The following CASR variants were observed in gnomAD, a reference collection of about 807,000 sequenced individuals.
CASR encodes the protein extracellular calcium-sensing receptor.
Under a neutral mutation model 69.1 loss-of-function variants are expected in CASR, and 23 were observed. The ratio of observed to expected loss-of-function variants is 0.33; its 90% CI spans 0.24 to 0.47. The LOEUF (loss-of-function observed/expected upper bound fraction) is 0.47. CASR is among the 20% of genes least tolerant of loss of function. The pLI is 1.00. For missense variants in CASR, 924 were observed against 1,356.1 expected, an observed-to-expected ratio of 0.68 and a Z score of 5.00; for synonymous variants, 541 against 544.7, an observed-to-expected ratio of 0.99 and a Z score of 0.10.
At chr3:122,273,283 C>T (rs950054207) in intron 4 of CASR, among the ~76,000 whole-genome samples, 20 of 152,170 alleles carry the variant, frequency 1.3e-4, no homozygotes, top group African/African-American at 3.4e-4. Flanking sequence ...TTGTTTAACC[C>T]GTAGCTCCAG....
At chr3:122,219,238 G>A (rs2074147640) in intron 1 of CASR, among the ~76,000 whole-genome samples, 1 of 152,200 alleles carries the variant, frequency 6.6e-6, no homozygotes, top group South Asian at 2.1e-4. Context: ...ACAGTTAGAA[G>A]CCAGTCATTC....
At chr3:122,207,975 A>G (rs112477340) in intron 1 of CASR, among the ~76,000 whole-genome samples, 1 of 152,112 alleles carries the variant, frequency 6.6e-6, no homozygotes, top group East Asian at 1.9e-4. Context: ...ATTGCAGTCT[A>G]TCTCTCCCTT....
At chr3:122,280,404 G>A (rs1291946415) in intron 5 of CASR, among the ~76,000 whole-genome samples, 1 of 152,184 alleles carries the variant, frequency 6.6e-6, no homozygotes, top group African/African-American at 2.4e-5. Context: ...TAGGAAGAGA[G>A]GAAGCAACCA....
intron 1 of CASR, among the ~76,000 whole-genome samples, chr3:122,184,688 G>A (rs890386384): frequency 1.3e-5 from 2 of 152,226 alleles, no homozygotes; most frequent in Non-Finnish European, 2.9e-5. Context: ...GGGAAAGTAG[G>A]GACCAGATTA....
At chr3:122,242,963 A>T (rs932735140) in intron 1 of CASR, among the ~76,000 whole-genome samples, 1 of 152,114 alleles carries the variant, frequency 6.6e-6, no homozygotes, top group Non-Finnish European at 1.5e-5. Flanking sequence ...AGAAAATTGG[A>T]TATCCAAATG....
At position 122,284,411 on chromosome 3, in the gene CASR, C is replaced by G. The variant is rs745768572; in HGVS notation, c.2457C>G (p.Ile819Met). The G allele has an allele frequency of 2.5e-6, 4 of 1,614,052 alleles. No individual in the cohort carries two copies. Among genetic ancestry groups the G allele is most frequent in the South Asian group, 1.1e-5 (1 of 91,080 alleles). The change falls in exon 7 of 7, where the codon ATC becomes ATG. Residue 819 changes from isoleucine to methionine, a missense_variant. Ile to Met is a conservative substitution (Grantham distance 10). Transcript: ENST00000639785. ...TGCTCATCTTCTTCATCGTCTGGAT[C>G]TCCTTCATTCCAGCCTATGCCAGCA... is the stretch of plus-strand genomic sequence containing the variant. Reference protein sequence around the residue: ...FSMLIFFIVWISFIPAYASTY... With the variant: ...FSMLIFFIVWMSFIPAYASTY...
At chr3:122,272,537 C>G (rs946876756) in intron 4 of CASR, among the ~76,000 whole-genome samples, 2 of 152,182 alleles carry the variant, frequency 1.3e-5, no homozygotes, top group African/African-American at 4.8e-5. Flanking sequence ...ATCATTTCAG[C>G]CCTTTTAAAT....
chr3:122,280,336 A>T (rs2074873745), intron 5 of CASR, among the ~76,000 whole-genome samples: 1 of 152,190 alleles, frequency 6.6e-6, no homozygotes, highest in Non-Finnish European at 1.5e-5. Context: ...ATTCAACATA[A>T]TATTGGAAGT....
chr3:122,206,447 T>C (rs1374312097), intron 1 of CASR, among the ~76,000 whole-genome samples: 76 of 152,124 alleles, frequency 5.0e-4, no homozygotes, highest in East Asian at 3.9e-4. Context: ...GGTGAATGAT[T>C]TTTTTAATGT....
chr3:122,205,578 G>T (rs541184384), intron 1 of CASR, among the ~76,000 whole-genome samples: 2 of 152,022 alleles, frequency 1.3e-5, no homozygotes, highest in Non-Finnish European at 2.9e-5. Context: ...TAAATTTTAG[G>T]ATTTTATTTT....
At chr3:122,243,188 T>C (rs548331004) in intron 1 of CASR, among the ~76,000 whole-genome samples, 1 of 151,924 alleles carries the variant, frequency 6.6e-6, no homozygotes, top group South Asian at 2.1e-4. Flanking sequence ...CCACATCCAG[T>C]TAAAAACCTT....
In CASR at chr3:122,225,366, T is replaced by C. The variant is rs2107604490; in HGVS notation, c.-242-28582T>C. Among the ~76,000 whole-genome samples, 2 of 148,074 alleles carry C rather than the reference T, an allele frequency of 1.4e-5. 1 individual carries two copies. Among genetic ancestry groups the C allele is most frequent in the South Asian group, 4.3e-4 (2 of 4,636 alleles). ...CAGAATTTGTAAGGAACTTAAACAA[T>C]TGAACAGGAAAAAAAAAGAAAAAAA... On this transcript the variant is annotated intron_variant, in intron 1 of 6. Coordinates refer to ENST00000639785, the MANE Select transcript of CASR (RefSeq NM_000388.4).
chr3:122,277,473 C>T, intron 5 of CASR, among the ~76,000 whole-genome samples: 1 of 152,146 alleles, frequency 6.6e-6, no homozygotes, highest in African/African-American at 2.4e-5. Flanking sequence ...GATGGATTAC[C>T]ACTGGGAAGG....
At chr3:122,195,527 A>G (rs748539301) in intron 1 of CASR, among the ~76,000 whole-genome samples, 4 of 152,148 alleles carry the variant, frequency 2.6e-5, no homozygotes, top group Non-Finnish European at 5.9e-5. Flanking sequence ...GGTAGTTTTC[A>G]TAGTGGAACA....
intron 1 of CASR, among the ~76,000 whole-genome samples, chr3:122,250,997 C>T (rs1373088330): frequency 6.6e-6 from 1 of 152,102 alleles, no homozygotes; most frequent in Non-Finnish European, 1.5e-5. Flanking sequence ...GAACATATGA[C>T]CAGGGTCCAA....
At chr3:122,223,409 T>C (rs1297351002) in intron 1 of CASR, among the ~76,000 whole-genome samples, 1 of 152,146 alleles carries the variant, frequency 6.6e-6, no homozygotes, top group African/African-American at 2.4e-5. Flanking sequence ...CCTTAGCGAA[T>C]ATTATCAAAA....
At chr3:122,278,384 G>A (rs1295124249) in intron 5 of CASR, among the ~76,000 whole-genome samples, 1 of 152,182 alleles carries the variant, frequency 6.6e-6, no homozygotes, top group Non-Finnish European at 1.5e-5. Context: ...TAAAAGCTGA[G>A]ACTAGACCCC....
rs1358547956 is a variant in CASR at position 122,204,085 on chromosome 3, T to C, written c.-243+20273T>C. ...TATCCATCACCTTAAATACTTGTCA[T>C]TTTTTAGGCTAGGACCATTCCAATT... On this transcript the variant is annotated intron_variant, in intron 1 of 6. Coordinates refer to ENST00000639785, the MANE Select transcript of CASR (RefSeq NM_000388.4). 2.0e-5 allele frequency among the ~76,000 whole-genome samples: 3 copies of C among 152,332 alleles called. No homozygotes were observed. In the East Asian group the frequency reaches 5.8e-4, roughly 29 times the overall value.
At chr3:122,253,434 G>A (rs975327440) in intron 1 of CASR, among the ~76,000 whole-genome samples, 2 of 152,058 alleles carry the variant, frequency 1.3e-5, no homozygotes, top group African/African-American at 2.4e-5. Flanking sequence ...GTACAGACAG[G>A]GTTTCACCAT....
Sources: allele counts gnomAD v4.1 joint callset (sites outside exome capture counted in the v4.1 genomes callset), GRCh38; gene constraint gnomAD v4.1.1; transcripts MANE v1.5; gene names NCBI Gene and HGNC (gene_info 2026-07-23, HGNC 2026-07-21).